COL19A1: variants seen among roughly 807,000 people sequenced by gnomAD.
COL19A1 encodes collagen type XIX alpha 1 chain.
A neutral mutation model predicts 190.2 loss-of-function variants in COL19A1; 159 were observed. The ratio of observed to expected loss-of-function variants is 0.84; its 90% confidence interval spans 0.73 to 0.95. The LOEUF is 0.95. Ranked by LOEUF, COL19A1 falls within the 40% of genes least tolerant of loss-of-function variation. The pLI, the probability that COL19A1 is intolerant of heterozygous loss-of-function variation, is 0.00. For missense variants in COL19A1, 1,418 were observed against 1,431.9 expected (o/e 0.99, Z 0.16); for synonymous variants, 509 against 458.9 (o/e 1.11, Z -1.39).
At position 69,922,776 on chromosome 6, in the gene COL19A1, C is replaced by T. The variant is rs546192617; in HGVS notation, c.267-5133C>T. Reference sequence around the variant, plus strand: ...AATTACTGGTGTGAGCCACCACACCCGACCTCTATTTAGTTTTTGTTTATT... The same window carrying T: ...AATTACTGGTGTGAGCCACCACACCTGACCTCTATTTAGTTTTTGTTTATT... On this transcript the variant is annotated intron_variant, in intron 4 of 50. Coordinates refer to ENST00000620364, the MANE Select transcript of COL19A1 (RefSeq NM_001858.6). Among the ~76,000 whole-genome samples, 24 of 152,122 alleles carry T rather than the reference C, an allele frequency of 1.6e-4. No homozygotes were observed. The South Asian group carries it at 5.0e-3, about 32-fold the overall frequency.
intron 1 of COL19A1, among the ~76,000 whole-genome samples, chr6:69,875,907 G>A (rs780456922): frequency 5.3e-5 from 8 of 152,170 alleles, no homozygotes; most frequent in Non-Finnish European, 7.4e-5. Context: ...GAATGGTGAC[G>A]TCATCTAAGG....
intron 1 of COL19A1, among the ~76,000 whole-genome samples, chr6:69,871,727 A>G (rs990294846): frequency 4.0e-5 from 6 of 151,894 alleles, no homozygotes; most frequent in African/African-American, 1.5e-4. Context: ...AAAAATGTTA[A>G]TGTTTCACAG....
chr6:70,100,464 A>G (rs776770556), intron 15 of COL19A1, among the ~76,000 whole-genome samples: 3 of 152,054 alleles, frequency 2.0e-5, no homozygotes, highest in Non-Finnish European at 2.9e-5. Flanking sequence ...AAAGAACTGC[A>G]TGGTTTAGAT....
At chr6:70,177,512 T>G (rs1434439970) in intron 42 of COL19A1, among the ~76,000 whole-genome samples, 1 of 152,210 alleles carries the variant, frequency 6.6e-6, no homozygotes, top group African/African-American at 2.4e-5. Flanking sequence ...ATCATCTGCA[T>G]CCTTCGTAGA....
At chr6:69,883,715 T>C (rs911989537) in intron 2 of COL19A1, among the ~76,000 whole-genome samples, 2 of 152,188 alleles carry the variant, frequency 1.3e-5, no homozygotes, top group African/African-American at 4.8e-5. Context: ...ATTTTCCCAT[T>C]TGTTTTTGTA....
intron 11 of COL19A1, among the ~76,000 whole-genome samples, chr6:69,965,008 A>G (rs999590478): frequency 1.3e-5 from 2 of 152,190 alleles, no homozygotes; most frequent in Admixed American, 6.5e-5. Context: ...CTTGTAGTTC[A>G]CTTTATTTCT....
chr6:69,878,489 A>C (rs570209422), intron 1 of COL19A1, among the ~76,000 whole-genome samples: 1 of 152,124 alleles, frequency 6.6e-6, no homozygotes, highest in Non-Finnish European at 1.5e-5. Context: ...CTGGGATTAC[A>C]GGCATGAGCC....
At chr6:70,118,301 GT>G (rs1784694760) in intron 16 of COL19A1, among the ~76,000 whole-genome samples, 1 of 152,208 alleles carries the variant, frequency 6.6e-6, no homozygotes, top group Non-Finnish European at 1.5e-5. Flanking sequence ...TGTAAACAGA[GT>G]TGCTTTTGCA....
At chr6:69,901,070 G>A (rs964501273) in intron 4 of COL19A1, among the ~76,000 whole-genome samples, 8 of 152,154 alleles carry the variant, frequency 5.3e-5, no homozygotes, top group Non-Finnish European at 1.0e-4. Context: ...TAGCACATAT[G>A]GTCAGGATAA....
chr6:70,081,747 T>C (rs1782269016), intron 15 of COL19A1, among the ~76,000 whole-genome samples: 2 of 152,190 alleles, frequency 1.3e-5, no homozygotes, highest in Non-Finnish European at 2.9e-5. Context: ...AGAAAAATTT[T>C]ATCAAAAATA....
intron 14 of COL19A1, among the ~76,000 whole-genome samples, chr6:70,060,524 G>A (rs568027453): frequency 1.3e-5 from 2 of 152,198 alleles, no homozygotes; most frequent in Non-Finnish European, 2.9e-5. Context: ...TACTGCCTGA[G>A]CTCCACCTCC....
At chr6:70,047,938 C>G (rs898034111) in intron 14 of COL19A1, among the ~76,000 whole-genome samples, 1 of 152,078 alleles carries the variant, frequency 6.6e-6, no homozygotes, top group Non-Finnish European at 1.5e-5. Flanking sequence ...AATATATCCA[C>G]TAATTTTAGT....
rs549118010 is a variant in COL19A1 at position 69,958,640 on chromosome 6, T to C, written c.937-1356T>C. 2.6e-5 allele frequency among the ~76,000 whole-genome samples: 4 copies of C among 152,328 alleles called. No individual in the cohort carries two copies. In the East Asian group the frequency reaches 5.8e-4, roughly 22 times the overall value. ...ATTTAGCAGCAAAGTTTTACTTTAG[T>C]GTTTAGTATATACTGTGATGATAGC... is the stretch of plus-strand genomic sequence containing the variant. On this transcript the variant is annotated intron_variant, in intron 9 of 50. Coordinates refer to ENST00000620364, the MANE Select transcript of COL19A1 (RefSeq NM_001858.6).
At chr6:69,966,293 G>T (rs549326896) in intron 11 of COL19A1, among the ~76,000 whole-genome samples, 1 of 152,104 alleles carries the variant, frequency 6.6e-6, no homozygotes, top group Non-Finnish European at 1.5e-5. Flanking sequence ...CATTGAGAAC[G>T]GGCCATGATG....
intron 14 of COL19A1, among the ~76,000 whole-genome samples, chr6:70,060,839 G>C (rs1166569283): frequency 6.6e-6 from 1 of 152,078 alleles, no homozygotes; most frequent in Admixed American, 6.6e-5. Context: ...CCCCCATCAG[G>C]GTTCATGGAA....
intron 15 of COL19A1, among the ~76,000 whole-genome samples, chr6:70,097,347 C>T (rs1783339932): frequency 6.6e-6 from 1 of 152,108 alleles, no homozygotes; most frequent in Non-Finnish European, 1.5e-5. Flanking sequence ...CCTTGAGGTT[C>T]ATCCATGCTG....
At chr6:70,060,062 G>A (rs1261092028) in intron 14 of COL19A1, among the ~76,000 whole-genome samples, 1 of 152,110 alleles carries the variant, frequency 6.6e-6, no homozygotes, top group African/African-American at 2.4e-5. Context: ...TTCCACAACA[G>A]AGATGCTGTT....
At chr6:69,959,368 T>C (rs1426753200) in intron 9 of COL19A1, among the ~76,000 whole-genome samples, 6 of 150,914 alleles carry the variant, frequency 4.0e-5, no homozygotes, top group Admixed American at 3.3e-4. Context: ...TATATAAGAA[T>C]ACACACACAC....
At chr6:70,047,347 A>T (rs1779967818) in intron 14 of COL19A1, among the ~76,000 whole-genome samples, 1 of 152,128 alleles carries the variant, frequency 6.6e-6, no homozygotes, top group Non-Finnish European at 1.5e-5. Context: ...ACCAATGCTG[A>T]ATAAGAAAAA....
Sources: allele counts gnomAD v4.1 joint callset (sites outside exome capture counted in the v4.1 genomes callset), GRCh38; gene constraint gnomAD v4.1.1; transcripts MANE v1.5; gene names NCBI Gene and HGNC (gene_info 2026-07-23, HGNC 2026-07-21).